Variants in C15orf61 observed in about 807,000 individuals in gnomAD.
C15orf61 encodes the protein chromosome 15 open reading frame 61.
C15orf61 carries 12 observed loss-of-function variants against 13.7 expected under a neutral mutation model. The ratio of observed to expected loss-of-function variants is 0.88; its 90% confidence interval spans 0.56 to 1.42. The LOEUF (loss-of-function observed/expected upper bound fraction) is 1.42. Among genes scored for constraint, C15orf61 ranks in the 40% most tolerant of loss-of-function variants. The pLI, the probability that C15orf61 is intolerant of heterozygous loss-of-function variation, is 0.00. For synonymous variants in C15orf61, 92 were observed against 94.1 expected (o/e 0.98, Z 0.13); for missense variants, 248 against 213.2 (o/e 1.16, Z -1.02).
Position 67,525,963 on chromosome 15 carries a change from G to A in C15orf61, c.347-455G>A, listed in dbSNP as rs568633578. On this transcript the variant is annotated intron_variant, in intron 1 of 1. Coordinates refer to ENST00000342683, the MANE Select transcript of C15orf61 (RefSeq NM_001143936.2). This position sits in a 1 kb window ranked among gnomAD's most constrained non-coding sequence, Gnocchi z 4.9. ...CAGGAGGCGGAGGTGGCAGCGAGCC[G>A]AGATCGCGCCACTGCACTCCAACCT... Among the ~76,000 whole-genome samples, 23 of 152,274 alleles carry A rather than the reference G, an allele frequency of 1.5e-4. No homozygotes were observed. The South Asian group carries it at 3.9e-3, about 26-fold the overall frequency.
rs2084160307 is a variant in C15orf61 at position 67,521,438 on chromosome 15, G to C, written c.190G>C (p.Gly64Arg). 1 of 1,547,120 alleles carries C rather than the reference G, an allele frequency of 6.5e-7. No individual in the cohort carries two copies. Among genetic ancestry groups the C allele is most frequent in the Non-Finnish European group, 8.7e-7 (1 of 1,146,780 alleles). Residue 64 changes from glycine to arginine, a missense_variant, in exon 1 of 2, where the codon GGC (glycine) becomes CGC (arginine). Gly to Arg is a moderately radical substitution (Grantham distance 125, BLOSUM62 -2). Coordinates refer to ENST00000342683, the MANE Select transcript of C15orf61 (RefSeq NM_001143936.2). ...CAGCGCCGTCCGCAACGACCAGTTC[G>C]GCCTCTCGCACTTCAACTGGCCGGT... ...PYSAVRNDQF[G>R]LSHFNWPVQG...
chr15:67,523,228 G>T (rs2084178673), intron 1 of C15orf61, among the ~76,000 whole-genome samples: 1 of 152,082 alleles, frequency 6.6e-6, no homozygotes, highest in South Asian at 2.1e-4. Context: ...ATTTTAAAGT[G>T]GTGAACACAT....
intron 1 of C15orf61, chr15:67,522,006 T>C (rs1184627346): frequency 5.7e-6 from 4 of 696,608 alleles, no homozygotes; most frequent in Non-Finnish European, 1.0e-5. Flanking sequence ...TGCGTTTATG[T>C]TGCAATAACT....
rs932203257 is a variant in C15orf61, at chr15:67,521,135, C to T, written c.-114C>T. On this transcript the variant is annotated 5_prime_UTR_variant, in exon 1 of 2. Coordinates refer to ENST00000342683, the MANE Select transcript of C15orf61 (RefSeq NM_001143936.2). Reference sequence around the variant, plus strand: ...GCTGTGCGCACGCGCCGCCGCACACCGGGGGCTCTCGGGCACCCGCGCGGC... The same window carrying T: ...GCTGTGCGCACGCGCCGCCGCACACTGGGGGCTCTCGGGCACCCGCGCGGC... 5.0e-6 allele frequency: 3 copies of T among 603,908 alleles called. No homozygotes were observed. Among genetic ancestry groups the T allele is most frequent in the Non-Finnish European group, 4.3e-6 (2 of 464,460 alleles). 37.4% of individuals were successfully genotyped at this position (603,908 alleles called of 1,614,324 possible). A position where few individuals can be genotyped will look rare whatever the true frequency, so the allele number is the denominator to read the frequency against.
chr15:67,522,849 C>T (rs1011901508), intron 1 of C15orf61, among the ~76,000 whole-genome samples: 12 of 152,112 alleles, frequency 7.9e-5, no homozygotes, highest in Admixed American at 6.5e-4. Context: ...AACCATGAGC[C>T]AAATGCCTTT....
rs1313350470 is a variant in C15orf61 at position 67,525,688 on chromosome 15, A to T, written c.347-730A>T. ...GCTTCTTTTAAGTTGTACAAAAATTACTTCAACCATTAGTGTTACTACTAA... is the reference window on the plus strand; with the variant it reads ...GCTTCTTTTAAGTTGTACAAAAATTTCTTCAACCATTAGTGTTACTACTAA... On this transcript the variant is annotated intron_variant, in intron 1 of 1. Transcript: ENST00000342683. The surrounding 1 kb of genome is among the most constrained non-coding windows in gnomAD (Gnocchi z 4.9). 1.3e-5 allele frequency among the ~76,000 whole-genome samples: 2 copies of T among 152,176 alleles called. No individual in the cohort carries two copies. The highest frequency in any genetic ancestry group is 1.5e-5 in the Non-Finnish European group (1 of 68,044).
intron 1 of C15orf61, chr15:67,522,047 C>T (rs759544634): frequency 1.6e-4 from 109 of 700,266 alleles, no homozygotes; most frequent in Non-Finnish European, 2.3e-4. Flanking sequence ...CTTTTGTTTT[C>T]TTTGTATGAA....
rs2084158624 is a variant in C15orf61, at chr15:67,521,324, G to C, written c.76G>C (p.Ala26Pro). The C allele has an allele frequency of 6.5e-7, 1 of 1,529,272 alleles. No homozygotes were observed. Among genetic ancestry groups the C allele is most frequent in the Non-Finnish European group, 8.7e-7 (1 of 1,143,058 alleles). The allele number at this position is 1,529,272 out of a possible 1,614,324, so 94.7% of individuals were successfully genotyped here. The change falls in exon 1 of 2, where the codon GCC becomes CCC. Residue 26 changes from alanine (A) to proline (P), a missense_variant. Coordinates refer to ENST00000342683, the MANE Select transcript of C15orf61 (RefSeq NM_001143936.2). ...TAGGCCGTGGGCCTCGCGCGCCGCCGCCCGCCCCAAGCCCAGCGCCTCGGA... is the reference window on the plus strand; with the variant it reads ...TAGGCCGTGGGCCTCGCGCGCCGCCCCCCGCCCCAAGCCCAGCGCCTCGGA... Reference protein sequence around the residue: ...LCRPWASRAAARPKPSASEVL... With the variant: ...LCRPWASRAAPRPKPSASEVL...
intron 1 of C15orf61, among the ~76,000 whole-genome samples, chr15:67,524,753 A>G (rs948992373): frequency 1.3e-5 from 2 of 152,228 alleles, no homozygotes; most frequent in Non-Finnish European, 2.9e-5. Flanking sequence ...AAAAGAGCTT[A>G]ACACAGCAAA....
At position 67,528,822 on chromosome 15, in the gene C15orf61, ATG is replaced by A. The variant is rs1248505348; in HGVS notation, c.*2279_*2280del. 6.6e-6 allele frequency: 1 copy of A among 152,184 alleles called. No homozygotes were observed. Among genetic ancestry groups the A allele is most frequent in the Non-Finnish European group, 1.5e-5 (1 of 68,030 alleles). The allele number at this position is 152,184 out of a possible 1,614,324, so 9.4% of individuals were successfully genotyped here. ...AAACAAGAGACATTTCTACCCGAAA[ATG>A]TACATCAATTTTACTTTTGTCTCTG... On this transcript the variant is annotated 3_prime_UTR_variant, in exon 2 of 2. Transcript: ENST00000342683.
Position 67,527,870 on chromosome 15 carries a change from C to T in C15orf61, c.*1325C>T, listed in dbSNP as rs1596530145. 1 of 152,138 alleles carries T rather than the reference C, an allele frequency of 6.6e-6. No homozygotes were observed. The highest frequency in any genetic ancestry group is 2.1e-4 in the South Asian group (1 of 4,836). The allele number at this position is 152,138 out of a possible 1,614,324, so 9.4% of individuals were successfully genotyped here. ...AAGTAACACTTTAATCAAAGAAGTA[C>T]TTATGCCAATATATTTAGTCCAGAA... On this transcript the variant is annotated 3_prime_UTR_variant, in exon 2 of 2. Transcript: ENST00000342683.
chr15:67,522,180 C>A (rs562105356), intron 1 of C15orf61: 2 of 702,020 alleles, frequency 2.8e-6, no homozygotes, highest in African/African-American at 3.5e-5. Context: ...CATGGAGACG[C>A]CCTGAGGATG....
Position 67,528,996 on chromosome 15 carries a change from G to A in C15orf61, c.*2451G>A, listed in dbSNP as rs1031018396. On this transcript the variant is annotated 3_prime_UTR_variant, in exon 2 of 2. Transcript: ENST00000342683. Reference sequence around the variant, plus strand: ...GCCCACTAACCCTGAAGTGGCATGTGGGGAGCTGAAGAGGCCCTTCTCTTC... The same window carrying A: ...GCCCACTAACCCTGAAGTGGCATGTAGGGAGCTGAAGAGGCCCTTCTCTTC... 2.0e-5 allele frequency: 3 copies of A among 152,150 alleles called. No individual in the cohort carries two copies. Among genetic ancestry groups the A allele is most frequent in the Non-Finnish European group, 4.4e-5 (3 of 68,036 alleles). 9.4% of individuals were successfully genotyped at this position (152,150 alleles called of 1,614,324 possible).
intron 1 of C15orf61, chr15:67,521,858 C>T (rs971293151): frequency 2.1e-5 from 13 of 619,426 alleles, no homozygotes; most frequent in African/African-American, 2.0e-4. Flanking sequence ...CCTGTCCTGC[C>T]CATGTTAACC....
rs995990624 is a variant in C15orf61 at position 67,521,523 on chromosome 15, G to A, written c.275G>A (p.Cys92Tyr). The change falls in exon 1 of 2, where the codon TGC becomes TAC. Residue 92 changes from cysteine to tyrosine, a missense_variant. Cys to Tyr is a radical substitution (Grantham distance 194). Transcript: ENST00000342683. Reference protein sequence around the residue: ...TGCFPFIKYHCSKAPWQDLAR... With the variant: ...TGCFPFIKYHYSKAPWQDLAR... The stretch of plus-strand genomic sequence containing the variant: ...TGCTTCCCCTTCATCAAGTACCACT[G>A]CTCCAAGGCTCCCTGGCAGGACCTG... 6.5e-7 allele frequency: 1 copy of A among 1,548,026 alleles called. No homozygotes were observed. Among genetic ancestry groups the A allele is most frequent in the South Asian group, 1.2e-5 (1 of 84,024 alleles).
Position 67,528,646 on chromosome 15 carries a change from AG to A in C15orf61, c.*2102del. ...TCTTTAAAGCTGCATATTACACCAAAGTATTATGGCCTGAAAGGGAGAAAGT... is the reference window on the plus strand; with the variant it reads ...TCTTTAAAGCTGCATATTACACCAAATATTATGGCCTGAAAGGGAGAAAGT... On this transcript the variant is annotated 3_prime_UTR_variant, in exon 2 of 2. Coordinates refer to ENST00000342683, the MANE Select transcript of C15orf61 (RefSeq NM_001143936.2). The A allele has an allele frequency of 6.6e-6, 1 of 152,308 alleles. No individual in the cohort carries two copies. Among genetic ancestry groups the A allele is most frequent in the South Asian group, 2.1e-4 (1 of 4,824 alleles). 9.4% of individuals were successfully genotyped at this position (152,308 alleles called of 1,614,324 possible).
At chr15:67,521,788 C>T (rs554298229) in intron 1 of C15orf61, 194 bp downstream of exon 1, 30 of 660,640 alleles carry the variant, frequency 4.5e-5, no homozygotes, top group African/African-American at 4.2e-4. Flanking sequence ...GCTCCTGGCA[C>T]CCGAAGCCGT....
At chr15:67,522,274 A>G (rs1176451194) in intron 1 of C15orf61, 2 of 697,386 alleles carry the variant, frequency 2.9e-6, no homozygotes, top group Admixed American at 4.1e-5. Flanking sequence ...TATCTTTTAT[A>G]GGTCAGGGGA....
At position 67,521,361 on chromosome 15, in the gene C15orf61, G is replaced by T; in HGVS notation, c.113G>T (p.Arg38Leu). The T allele has an allele frequency of 6.5e-7, 1 of 1,537,416 alleles. No homozygotes were observed. ...CCCAGCGCCTCGGAGGTGCTGACGC[G>T]GCATCTGCTGCAGCGGCGCCTGCCG... ...PKPSASEVLT[R>L]HLLQRRLPHW... Residue 38 changes from arginine (R) to leucine (L), a missense_variant, in exon 1 of 2, where the codon CGG (arginine) becomes CTG (leucine). Transcript: ENST00000342683.
Sources: allele counts gnomAD v4.1 joint callset (sites outside exome capture counted in the v4.1 genomes callset), GRCh38; gene constraint gnomAD v4.1.1; non-coding constraint Gnocchi (gnomAD v3.1); transcripts MANE v1.5; gene names NCBI Gene and HGNC (gene_info 2026-07-23, HGNC 2026-07-21).